IL18R1: variants seen among roughly 807,000 people sequenced by gnomAD.
The protein encoded by IL18R1 is interleukin 18 receptor 1, also known as interleukin-18 receptor 1.
Under a neutral mutation model 48.5 loss-of-function variants are expected in IL18R1, and 40 were observed. The observed-to-expected ratio is 0.82, with a 90% CI of 0.64 to 1.07. IL18R1 has a LOEUF of 1.07. Among genes scored for constraint, IL18R1 ranks in the 50% least tolerant of loss-of-function variants. The pLI, the probability that IL18R1 is intolerant of heterozygous loss-of-function variation, is 0.00. For missense variants in IL18R1, 596 were observed against 633.7 expected, an observed-to-expected ratio of 0.94 and a Z score of 0.64; for synonymous variants, 232 against 225.9, an observed-to-expected ratio of 1.03 and a Z score of -0.24.
At chr2:102,365,445 T>A (rs1678834185) in intron 2 of IL18R1, among the ~76,000 whole-genome samples, 1 of 152,230 alleles carries the variant, frequency 6.6e-6, no homozygotes, top group African/African-American at 2.4e-5. Context: ...CTTGGGCAGC[T>A]ATGCTCCTGT....
chr2:102,384,982 A>G lies in IL18R1; in HGVS notation c.793A>G (p.Lys265Glu). 6.3e-7 allele frequency: 1 copy of G among 1,582,528 alleles called. No homozygotes were observed. Among genetic ancestry groups the G allele is most frequent in the Non-Finnish European group, 8.7e-7 (1 of 1,152,530 alleles). ...NGSDPNIHEEKEMRIMTPEGK... is the reference protein window; with the variant it reads ...NGSDPNIHEEEEMRIMTPEGK... ...ATCGGATCCTAATATACATGAAGAG[A>G]AAGAAATGAGAATTATGTATGTATG... Residue 265 changes from lysine (K) to glutamate (E), a missense_variant, in exon 7 of 11, where the codon AAA becomes GAA. This residue lies in a region of IL18R1 where 360 missense variants were observed against 339.4 expected (regional missense o/e 1.06). Coordinates refer to ENST00000233957, the MANE Select transcript of IL18R1 (RefSeq NM_003855.5).
chr2:102,398,393 T>C lies in IL18R1; in HGVS notation c.*1507T>C, dbSNP rs975077473. On this transcript the variant is annotated 3_prime_UTR_variant, in exon 11 of 11. Transcript: ENST00000233957. ...GTTCTACAAAAGTTTAAAGCAGAGA[T>C]TGTTTCAAATGGGTGTAGTAGATAT... is the stretch of plus-strand genomic sequence containing the variant. The C allele has an allele frequency of 3.3e-5, 5 of 152,364 alleles. No individual in the cohort carries two copies. Among genetic ancestry groups the C allele is most frequent in the African/African-American group, 9.7e-5 (4 of 41,450 alleles). The allele number at this position is 152,364 out of a possible 1,614,324, so 9.4% of individuals were successfully genotyped here.
chr2:102,361,458 GT>G, intron 1 of IL18R1, among the ~76,000 whole-genome samples: 1 of 152,200 alleles, frequency 6.6e-6, no homozygotes, highest in African/African-American at 2.4e-5. Flanking sequence ...TGACAACTCT[GT>G]TTTTAGGATG....
chr2:102,372,600 CT>C (rs36068136), intron 4 of IL18R1, among the ~76,000 whole-genome samples: 3 of 151,284 alleles, frequency 2.0e-5, no homozygotes, highest in African/African-American at 7.3e-5. Flanking sequence ...CCATCACAGA[CT>C]TTTTTTTTCT....
At position 102,365,993 on chromosome 2, in the gene IL18R1, G is replaced by T. The variant is rs11465582; in HGVS notation, c.59-1832G>T. Reference sequence around the variant, plus strand: ...TTTCCTCTTAGGCCTCTGGGCCTGTGATGGGAGGGTCTCTCATGAAGATCT... The same window carrying T: ...TTTCCTCTTAGGCCTCTGGGCCTGTTATGGGAGGGTCTCTCATGAAGATCT... On this transcript the variant is annotated intron_variant, in intron 2 of 10. Transcript: ENST00000233957. Among the ~76,000 whole-genome samples, 377 of 152,332 alleles carry T rather than the reference G, an allele frequency of 2.5e-3. 1 individual carries two copies. Among genetic ancestry groups the T allele is most frequent in the Non-Finnish European group, 4.4e-3 (301 of 68,034 alleles).
intron 10 of IL18R1, 67 bp downstream of exon 10, chr2:102,394,694 C>A: frequency 1.5e-6 from 2 of 1,348,936 alleles, no homozygotes; most frequent in African/African-American, 1.5e-5. Context: ...ATGAGCTAGC[C>A]CCCAGAGAGC....
intron 6 of IL18R1, among the ~76,000 whole-genome samples, chr2:102,384,305 G>A (rs1364183396): frequency 2.0e-5 from 3 of 152,158 alleles, no homozygotes; most frequent in Admixed American, 1.3e-4. Flanking sequence ...CTGTCCGAGC[G>A]CTTAGCAGTA....
chr2:102,396,186 G>C (rs1381858544), intron 10 of IL18R1, among the ~76,000 whole-genome samples: 1 of 152,012 alleles, frequency 6.6e-6, no homozygotes, highest in Non-Finnish European at 1.5e-5. Context: ...GTGTGACTCT[G>C]GGCAGGTTAC....
At chr2:102,367,599 A>G (rs1678980500) in intron 2 of IL18R1, among the ~76,000 whole-genome samples, 1 of 151,970 alleles carries the variant, frequency 6.6e-6, no homozygotes, top group African/African-American at 2.4e-5. Context: ...TTGGGGAGAA[A>G]CTGTCAGAAG....
intron 1 of IL18R1, among the ~76,000 whole-genome samples, chr2:102,360,635 T>A (rs1453987411): frequency 6.6e-6 from 1 of 152,246 alleles, no homozygotes; most frequent in Non-Finnish European, 1.5e-5. Flanking sequence ...CATGTTGAGA[T>A]TATTTTCTTC....
At chr2:102,362,334 C>A (rs1678624266) in intron 1 of IL18R1, among the ~76,000 whole-genome samples, 1 of 152,194 alleles carries the variant, frequency 6.6e-6, no homozygotes, top group Non-Finnish European at 1.5e-5. Context: ...TACTATTGTT[C>A]TGAACTTTGG....
chr2:102,397,019 A>T lies in IL18R1; in HGVS notation c.*133A>T. 1.6e-6 allele frequency: 1 copy of T among 628,114 alleles called. No individual in the cohort carries two copies. The highest frequency in any genetic ancestry group is 2.7e-6 in the Non-Finnish European group (1 of 365,266). 38.9% of individuals were successfully genotyped at this position (628,114 alleles called of 1,614,324 possible). A position where few individuals can be genotyped will look rare whatever the true frequency, so the allele number is the denominator to read the frequency against. On this transcript the variant is annotated 3_prime_UTR_variant, in exon 11 of 11. Coordinates refer to ENST00000233957, the MANE Select transcript of IL18R1 (RefSeq NM_003855.5). Reference sequence around the variant, plus strand: ...ATCCTGCTCACAATTTGAAGATGAAACTTGTCATTAGGTTGGCGGGAATGA... The same window carrying T: ...ATCCTGCTCACAATTTGAAGATGAATCTTGTCATTAGGTTGGCGGGAATGA...
intron 1 of IL18R1, among the ~76,000 whole-genome samples, chr2:102,360,522 C>T (rs1342363782): frequency 6.6e-6 from 1 of 152,174 alleles, no homozygotes; most frequent in African/African-American, 2.4e-5. Context: ...CTCGGCCTCC[C>T]AAAGTGCTGG....
intron 2 of IL18R1, among the ~76,000 whole-genome samples, chr2:102,366,465 C>T (rs1678905737): frequency 6.6e-6 from 1 of 152,158 alleles, no homozygotes; most frequent in Admixed American, 6.5e-5. Context: ...TCCATATTTT[C>T]TTATCTTCTT....
At chr2:102,376,914 T>C (rs368072685) in intron 5 of IL18R1, among the ~76,000 whole-genome samples, 2 of 152,322 alleles carry the variant, frequency 1.3e-5, no homozygotes, top group South Asian at 2.1e-4. Flanking sequence ...TTCCATTGAG[T>C]CCAAATATCC....
chr2:102,370,491 T>C (rs1210881555), intron 3 of IL18R1, among the ~76,000 whole-genome samples: 1 of 152,242 alleles, frequency 6.6e-6, no homozygotes, highest in Non-Finnish European at 1.5e-5. Flanking sequence ...AGCTCTATCA[T>C]GTCCCATGGC....
intron 6 of IL18R1, among the ~76,000 whole-genome samples, chr2:102,384,649 A>G (rs1465331710): frequency 1.3e-5 from 2 of 152,244 alleles, no homozygotes; most frequent in African/African-American, 4.8e-5. Flanking sequence ...TGATTAAAAA[A>G]TAAATGTTTA....
chr2:102,368,691 C>G (rs1392128678), intron 3 of IL18R1, among the ~76,000 whole-genome samples: 1 of 152,170 alleles, frequency 6.6e-6, no homozygotes, highest in East Asian at 1.9e-4. Flanking sequence ...TGCATAACTT[C>G]CATGAAATGA....
intron 5 of IL18R1, among the ~76,000 whole-genome samples, chr2:102,380,272 A>G (rs910415640): frequency 1.3e-5 from 2 of 152,162 alleles, no homozygotes; most frequent in African/African-American, 4.8e-5. Context: ...TGGATTTCCA[A>G]TGATATAATT....
Sources: gnomAD v4.1 joint callset for allele counts (sites outside exome capture counted in the v4.1 genomes callset) on GRCh38, gnomAD v4.1.1 for gene constraint, gnomAD v4.1.1 regional missense constraint, MANE v1.5 for transcripts, NCBI Gene and HGNC (gene_info 2026-07-23, HGNC 2026-07-21) for gene names.